The following NDUFB2 variants were observed in gnomAD, a reference collection of about 807,000 sequenced individuals.
NDUFB2 encodes the protein NADH:ubiquinone oxidoreductase subunit B2.
In NDUFB2, 13 loss-of-function variants were observed where a neutral mutation model predicts 13.4. The ratio of observed to expected loss-of-function variants is 0.97; its 90% confidence interval spans 0.63 to 1.54. The LOEUF (loss-of-function observed/expected upper bound fraction) is 1.54. Among genes scored for constraint, NDUFB2 ranks in the 40% most tolerant of loss-of-function variants. The pLI, the probability that NDUFB2 is intolerant of heterozygous loss-of-function variation, is 0.00. For missense variants in NDUFB2, 150 were observed against 139.7 expected, an observed-to-expected ratio of 1.07 and a Z score of -0.37; for synonymous variants, 47 against 50.6, an observed-to-expected ratio of 0.93 and a Z score of 0.30.
At chr7:140,696,961 C>A in intron 1 of NDUFB2, 119 bp downstream of exon 1, 1 of 901,468 alleles carries the variant, frequency 1.1e-6, no homozygotes, top group South Asian at 1.6e-5. Flanking sequence ...CATGCTGGGA[C>A]CTGTAGTCCG....
In NDUFB2 at chr7:140,703,011, G is replaced by T. The variant is rs762885468; in HGVS notation, c.243+1G>T. ...TTGGCATGACTCAGAAGAGGTGCTG[G>T]TAAGTGCAGGAGAAGAGCACTTGTC... On this transcript the variant is annotated splice_donor_variant, in intron 2 of 3. Transcript: ENST00000247866. LOFTEE classifies it high-confidence loss of function. 1 of 1,613,918 alleles carries T rather than the reference G, an allele frequency of 6.2e-7. No individual in the cohort carries two copies. The highest frequency in any genetic ancestry group is 1.1e-5 in the South Asian group (1 of 91,082).
chr7:140,697,209 G>A lies in NDUFB2; in HGVS notation c.98+367G>A, dbSNP rs934766220. 7.7e-5 allele frequency: 50 copies of A among 649,994 alleles called. No individual in the cohort carries two copies. The South Asian group carries it at 8.2e-4, about 11-fold the overall frequency. 40.3% of individuals were successfully genotyped at this position (649,994 alleles called of 1,614,324 possible). A position where few individuals can be genotyped will look rare whatever the true frequency, so the allele number is the denominator to read the frequency against. ...GTGTGGACGCTCCTGGAGCGAGGCGGGGGGCGGCGGCGGTGAGGCCTAGGG... is the reference window on the plus strand; with the variant it reads ...GTGTGGACGCTCCTGGAGCGAGGCGAGGGGCGGCGGCGGTGAGGCCTAGGG... On this transcript the variant is annotated intron_variant, in intron 1 of 3. Coordinates refer to ENST00000247866, the MANE Select transcript of NDUFB2 (RefSeq NM_004546.3).
intron 1 of NDUFB2, chr7:140,701,886 A>C (rs1404538432): frequency 1.9e-6 from 1 of 519,768 alleles, no homozygotes; most frequent in African/African-American, 2.0e-5. Context: ...CAGTGAGCCA[A>C]GATTGTTCCA....
chr7:140,705,389 C>G (rs1203929473), intron 3 of NDUFB2: 1 of 152,752 alleles, frequency 6.5e-6, no homozygotes, highest in Non-Finnish European at 1.5e-5. Context: ...TGTGAGCCAC[C>G]ACGCCTGGCC....
intron 3 of NDUFB2, chr7:140,705,806 C>G (rs1794959033): frequency 6.6e-6 from 1 of 151,976 alleles, no homozygotes; most frequent in Admixed American, 6.6e-5. Context: ...TTAAATAGAT[C>G]CAGCATATGG....
At chr7:140,701,475 C>T (rs1408627762) in intron 1 of NDUFB2, among the ~76,000 whole-genome samples, 3 of 152,194 alleles carry the variant, frequency 2.0e-5, no homozygotes, top group Admixed American at 6.5e-5. Context: ...TAAAAATTAG[C>T]CAGGTCTGGG....
intron 2 of NDUFB2, 126 bp from the exon 3 acceptor site, chr7:140,704,734 T>C: frequency 1.7e-6 from 1 of 593,364 alleles, no homozygotes; most frequent in South Asian, 2.8e-5. Context: ...GTAGAATTTG[T>C]TCCTGTGGTC....
intron 1 of NDUFB2, chr7:140,697,376 G>T: frequency 1.4e-6 from 1 of 702,912 alleles, no homozygotes; most frequent in East Asian, 2.7e-5. Context: ...CTGTCGCCCA[G>T]AGAGAGCGCC....
intron 1 of NDUFB2, among the ~76,000 whole-genome samples, chr7:140,699,326 G>T (rs1260306205): frequency 6.6e-6 from 1 of 152,012 alleles, no homozygotes; most frequent in Non-Finnish European, 1.5e-5. Flanking sequence ...ACTTCCTTAT[G>T]TTTTTTGATC....
At chr7:140,701,593 T>G (rs1200087734) in intron 1 of NDUFB2, among the ~76,000 whole-genome samples, 3 of 149,180 alleles carry the variant, frequency 2.0e-5, no homozygotes, top group Non-Finnish European at 3.0e-5. Context: ...TGAGCTAAGG[T>G]CACGCCACTG....
intron 1 of NDUFB2, among the ~76,000 whole-genome samples, chr7:140,698,912 C>T (rs1175605447): frequency 6.6e-6 from 1 of 152,168 alleles, no homozygotes; most frequent in Non-Finnish European, 1.5e-5. Flanking sequence ...AATCCCAGCA[C>T]TTTGAGAGGC....
intron 1 of NDUFB2, chr7:140,698,222 C>G (rs1794845087): frequency 7.4e-7 from 1 of 1,351,798 alleles, no homozygotes; most frequent in Non-Finnish European, 9.8e-7. Flanking sequence ...TGAGCGACAG[C>G]CCTTGGTCCT....
At chr7:140,697,219 G>T in intron 1 of NDUFB2, 1 of 655,256 alleles carries the variant, frequency 1.5e-6, no homozygotes, top group South Asian at 1.7e-5. Context: ...GGGGGCGGCG[G>T]CGGTGAGGCC....
intron 2 of NDUFB2, 52 bp downstream of exon 2, chr7:140,703,062 G>C (rs748411099): frequency 6.3e-7 from 1 of 1,598,782 alleles, no homozygotes; most frequent in South Asian, 1.1e-5. Context: ...GAGGGAGGAT[G>C]TATTAATAGC....
rs186506576 is a variant in NDUFB2, at chr7:140,696,852, G to A, written c.98+10G>A. 3.5e-4 allele frequency: 553 copies of A among 1,597,110 alleles called. 4 individuals are homozygous for A. Among genetic ancestry groups the A allele is most frequent in the Non-Finnish European group, 4.9e-5 (57 of 1,172,282 alleles). ...ATGGTGGAGTCCGTCAGTGAGTGTG[G>A]GGCTGGGGATGGGGGCCTCGCCGGC... On this transcript the variant is annotated intron_variant, in intron 1 of 3. Coordinates refer to ENST00000247866, the MANE Select transcript of NDUFB2 (RefSeq NM_004546.3).
chr7:140,697,023 A>G, intron 1 of NDUFB2, 181 bp downstream of exon 1: 1 of 622,598 alleles, frequency 1.6e-6, no homozygotes, highest in East Asian at 2.8e-5. Flanking sequence ...GGCCGGAGGG[A>G]GAGGGAGAGA....
rs1454069323 is a variant in NDUFB2 at position 140,703,018 on chromosome 7, C to T, written c.243+8C>T. ...GACTCAGAAGAGGTGCTGGTAAGTG[C>T]AGGAGAAGAGCACTTGTCGTTTTTT... On this transcript the variant is annotated splice_region_variant and intron_variant, in intron 2 of 3. Coordinates refer to ENST00000247866, the MANE Select transcript of NDUFB2 (RefSeq NM_004546.3). The T allele has an allele frequency of 1.2e-6, 2 of 1,612,528 alleles. No homozygotes were observed. The highest frequency in any genetic ancestry group is 3.3e-5 in the Admixed American group (2 of 59,842).
Position 140,696,789 on chromosome 7 carries a change from C to T in NDUFB2, c.45C>T (p.Gly15=), listed in dbSNP as rs1794812837. ...TGGCGTCTTTCGCTCGCGTTGGAGG[C>T]CGCCTTTTCAGAAGCGGCTGCGCAC... ...TRLASFARVG[G]RLFRSGCART... is the part of the protein sequence containing the mutation. The change falls in exon 1 of 4, where the codon GGC becomes GGT. Residue 15 remains glycine, a synonymous_variant. Coordinates refer to ENST00000247866, the MANE Select transcript of NDUFB2 (RefSeq NM_004546.3). The T allele has an allele frequency of 6.2e-7, 1 of 1,607,526 alleles. No individual in the cohort carries two copies. Among genetic ancestry groups the T allele is most frequent in the East Asian group, 2.3e-5 (1 of 44,372 alleles).
chr7:140,700,025 C>A (rs1303104060), intron 1 of NDUFB2, among the ~76,000 whole-genome samples: 1 of 151,822 alleles, frequency 6.6e-6, no homozygotes, highest in Non-Finnish European at 1.5e-5. Flanking sequence ...GTCCCTACTT[C>A]AGGTTATGAT....
Sources: gnomAD v4.1 joint callset for allele counts (sites outside exome capture counted in the v4.1 genomes callset) on GRCh38, gnomAD v4.1.1 for gene constraint, MANE v1.5 for transcripts, NCBI Gene and HGNC (gene_info 2026-07-23, HGNC 2026-07-21) for gene names.